The following UBE4B variants were observed in gnomAD, a reference collection of about 807,000 sequenced individuals.
UBE4B encodes ubiquitin conjugation factor E4 B.
Under a neutral mutation model 148.1 loss-of-function variants are expected in UBE4B, and 27 were observed. The ratio of observed to expected loss-of-function variants is 0.18; its 90% CI spans 0.13 to 0.25. The LOEUF (loss-of-function observed/expected upper bound fraction) is 0.25, where lower values mean the gene tolerates loss of function less well. Ranked by LOEUF, UBE4B falls within the 10% of genes least tolerant of loss-of-function variation. The probability of loss-of-function intolerance (pLI) is 1.00; values close to 1 mark genes in which losing one functional copy is unlikely to be tolerated. For synonymous variants in UBE4B, 596 were observed against 619.3 expected (o/e 0.96, Z 0.56); for missense variants, 1,170 against 1,662.4 (o/e 0.70, Z 5.15).
intron 1 of UBE4B, among the ~76,000 whole-genome samples, chr1:10,052,101 C>G (rs1214515295): frequency 6.7e-6 from 1 of 149,830 alleles, no homozygotes; most frequent in African/African-American, 2.5e-5. Context: ...GGGTCTTGCT[C>G]TGTCACCCAG....
Position 10,149,393 on chromosome 1 carries a change from G to A in UBE4B, c.2690+111G>A, listed in dbSNP as rs564827234. On this transcript the variant is annotated intron_variant, in intron 20 of 27. Transcript: ENST00000343090. ...TTCATGCCTGAAATTTGATGTAACT[G>A]TTTTAACTGAATGCTGCCTAGAGAC... 11 of 825,196 alleles carry A rather than the reference G, an allele frequency of 1.3e-5. No individual in the cohort carries two copies. In the African/African-American group the frequency reaches 1.8e-4, roughly 13 times the overall value. 51.1% of individuals were successfully genotyped at this position (825,196 alleles called of 1,614,324 possible).
At chr1:10,139,926 C>G (rs1334479424) in intron 17 of UBE4B, among the ~76,000 whole-genome samples, 1 of 152,168 alleles carries the variant, frequency 6.6e-6, no homozygotes, top group Non-Finnish European at 1.5e-5. Flanking sequence ...CAGGGTTTCT[C>G]CATGTTGGTC....
intron 3 of UBE4B, 95 bp from the exon 4 acceptor site, chr1:10,101,013 A>G: frequency 9.5e-7 from 1 of 1,053,868 alleles, no homozygotes; most frequent in Non-Finnish European, 1.4e-6. Flanking sequence ...TTCCTGATTA[A>G]CTGATATTTT....
intron 2 of UBE4B, among the ~76,000 whole-genome samples, chr1:10,073,905 C>T (rs1215188023): frequency 6.6e-6 from 1 of 151,026 alleles, no homozygotes; most frequent in African/African-American, 2.4e-5. Flanking sequence ...CCTGGCTTCC[C>T]ATTTCTTTCT....
At chr1:10,059,615 A>G (rs1402675549) in intron 1 of UBE4B, 4 of 196,718 alleles carry the variant, frequency 2.0e-5, no homozygotes, top group Non-Finnish European at 4.4e-5. Context: ...GAGGCTGTGC[A>G]TAAAGCCATG....
At chr1:10,109,240 T>C (rs920895549) in intron 7 of UBE4B, among the ~76,000 whole-genome samples, 1 of 152,134 alleles carries the variant, frequency 6.6e-6, no homozygotes, top group African/African-American at 2.4e-5. Context: ...AGGGTCAAAA[T>C]CATAGAAATG....
chr1:10,107,081 T>G, intron 7 of UBE4B: 1 of 642,692 alleles, frequency 1.6e-6, no homozygotes, highest in South Asian at 1.8e-5. Flanking sequence ...TTTCTATAAT[T>G]TAGGTGAATT....
At chr1:10,123,003 A>G (rs1451720998) in intron 10 of UBE4B, among the ~76,000 whole-genome samples, 1 of 152,226 alleles carries the variant, frequency 6.6e-6, no homozygotes, top group Non-Finnish European at 1.5e-5. Flanking sequence ...TAAAAATTCC[A>G]GTTAGTGTTG....
At position 10,033,506 on chromosome 1, in the gene UBE4B, C is replaced by A; in HGVS notation, c.-165C>A. ...TGACCGAAGCCAAGGCAGTTTAGTG[C>A]CTCTCGTGTTCTTATTTTTTAACCT... On this transcript the variant is annotated 5_prime_UTR_variant, in exon 1 of 28. Transcript: ENST00000343090. 1 of 715,096 alleles carries A rather than the reference C, an allele frequency of 1.4e-6. No individual in the cohort carries two copies. Among genetic ancestry groups the A allele is most frequent in the Non-Finnish European group, 2.1e-6 (1 of 486,310 alleles). The allele number at this position is 715,096 out of a possible 1,614,324, so 44.3% of individuals were successfully genotyped here.
chr1:10,056,324 T>G (rs1644167562), intron 1 of UBE4B, among the ~76,000 whole-genome samples: 1 of 152,198 alleles, frequency 6.6e-6, no homozygotes, highest in South Asian at 2.1e-4. Context: ...AGAGGAAGAT[T>G]AAAAGAGCAA....
intron 2 of UBE4B, among the ~76,000 whole-genome samples, chr1:10,089,471 C>T (rs74051808): frequency 0.13 from 18,878 of 150,752 alleles, 1,602 homozygotes; most frequent in African/African-American, 0.24. Flanking sequence ...GCCACTGTAC[C>T]GCAGCCCAGG....
At chr1:10,175,328 AAG>A (rs1646400837) in intron 25 of UBE4B, among the ~76,000 whole-genome samples, 1 of 152,222 alleles carries the variant, frequency 6.6e-6, no homozygotes, top group South Asian at 2.1e-4. Context: ...TCCATTAAAA[AAG>A]AAAAAAAATT....
intron 23 of UBE4B, among the ~76,000 whole-genome samples, chr1:10,162,533 C>G (rs904621770): frequency 2.0e-5 from 3 of 151,734 alleles, no homozygotes; most frequent in African/African-American, 7.3e-5. Context: ...GTCTTGGACT[C>G]CTGACCTCAG....
intron 3 of UBE4B, among the ~76,000 whole-genome samples, chr1:10,100,214 T>C (rs965608230): frequency 2.6e-5 from 4 of 152,062 alleles, no homozygotes; most frequent in Non-Finnish European, 5.9e-5. Flanking sequence ...TGGTCTCGAT[T>C]TCCTGACCTT....
chr1:10,088,009 A>T (rs1402136297), intron 2 of UBE4B, among the ~76,000 whole-genome samples: 1 of 152,214 alleles, frequency 6.6e-6, no homozygotes, highest in Non-Finnish European at 1.5e-5. Context: ...TACAGGAATT[A>T]TTCCAGCTTT....
chr1:10,149,090 A>G (rs1255848662), intron 19 of UBE4B, 94 bp from the exon 20 acceptor site: 11 of 888,322 alleles, frequency 1.2e-5, no homozygotes, highest in Non-Finnish European at 1.7e-5. Flanking sequence ...TTCTTCCCCA[A>G]ATGAAATACT....
chr1:10,123,655 C>T (rs1366929479), intron 10 of UBE4B, among the ~76,000 whole-genome samples: 2 of 152,046 alleles, frequency 1.3e-5, no homozygotes, highest in Non-Finnish European at 2.9e-5. Flanking sequence ...TATGAAATGA[C>T]CTCTGGGTGT....
chr1:10,174,392 CA>C (rs796969203), intron 25 of UBE4B, among the ~76,000 whole-genome samples: 2,906 of 109,738 alleles, frequency 0.026, 89 homozygotes, highest in Admixed American at 0.12. Flanking sequence ...GACTCCATAT[CA>C]AAAAAAAAAA....
chr1:10,093,046 T>C (rs1265559198), intron 2 of UBE4B, among the ~76,000 whole-genome samples: 3 of 152,232 alleles, frequency 2.0e-5, no homozygotes, highest in Non-Finnish European at 4.4e-5. Flanking sequence ...CTATGTGATA[T>C]ACACTGGAGC....
Sources: gnomAD v4.1 joint callset for allele counts (sites outside exome capture counted in the v4.1 genomes callset) on GRCh38, gnomAD v4.1.1 for gene constraint, MANE v1.5 for transcripts, NCBI Gene and HGNC (gene_info 2026-07-23, HGNC 2026-07-21) for gene names.